The following CAST variants were observed in gnomAD, a reference collection of about 807,000 sequenced individuals.
CAST encodes the protein MIR583 host.
In CAST, 76 loss-of-function variants were observed where a neutral mutation model predicts 119.6. The ratio of observed to expected loss-of-function variants is 0.64; its 90% CI spans 0.53 to 0.77. The LOEUF is 0.77. Among genes scored for constraint, CAST ranks in the 30% least tolerant of loss-of-function variants. The pLI is 0.00. For missense variants in CAST, 953 were observed against 946.5 expected (o/e 1.01, Z -0.09); for synonymous variants, 319 against 331.6 (o/e 0.96, Z 0.41).
chr5:96,313,414 TATAAATTGA>T, the CAST span, among the ~76,000 whole-genome samples: 1 of 152,298 alleles, frequency 6.6e-6, no homozygotes, highest in African/African-American at 2.4e-5. Flanking sequence ...CCAAATATCA[TATAAATTGA>T]ATCATTCAAT....
At chr5:96,180,427 T>C in the CAST span, among the ~76,000 whole-genome samples, 9 of 152,234 alleles carry the variant, frequency 5.9e-5, no homozygotes, top group Non-Finnish European at 1.2e-4. Context: ...TGGGACCATA[T>C]GTAGAGCCTC....
chr5:96,300,382 T>C, the CAST span, among the ~76,000 whole-genome samples: 1 of 152,198 alleles, frequency 6.6e-6, no homozygotes, highest in African/African-American at 2.4e-5. Context: ...AATATCCTTA[T>C]CACCTTCGTT....
chr5:96,164,725 A>G, the CAST span, among the ~76,000 whole-genome samples: 1 of 152,240 alleles, frequency 6.6e-6, no homozygotes, highest in Admixed American at 6.5e-5. Flanking sequence ...GAAAAAGTGC[A>G]GAGAAAAAAA....
intron 1 of CAST, chr5:96,630,944 T>A (rs935047102): frequency 6.3e-5 from 5 of 79,668 alleles, no homozygotes; most frequent in African/African-American, 1.5e-4. Context: ...CTAAAAAAAA[T>A]TTTTTTAAAT....
At chr5:96,416,919 C>T in the CAST span, among the ~76,000 whole-genome samples, 1,095 of 152,302 alleles carry the variant, frequency 7.2e-3, 25 homozygotes, top group African/African-American at 0.025. Flanking sequence ...ATTGTCTTTT[C>T]CCACCACCAT....
the CAST span, among the ~76,000 whole-genome samples, chr5:96,395,868 A>G: frequency 6.6e-6 from 1 of 152,228 alleles, no homozygotes; most frequent in African/African-American, 2.4e-5. Flanking sequence ...TTCAGTTACA[A>G]AAAGTTGCAT....
chr5:95,984,974 C>A, the CAST span, among the ~76,000 whole-genome samples: 1 of 135,214 alleles, frequency 7.4e-6, no homozygotes, highest in Non-Finnish European at 1.5e-5. Context: ...AGATAAAGAG[C>A]ATTATTAAAG....
At position 96,774,362 on chromosome 5, in the gene CAST, A is replaced by G. The variant is rs896963517; in HGVS notation, c.*1746A>G. Reference sequence around the variant, plus strand: ...AACTCTGAATATGCCTTCTTTTTTAATTAGAAATATCTTCGAGACTTGGGT... The same window carrying G: ...AACTCTGAATATGCCTTCTTTTTTAGTTAGAAATATCTTCGAGACTTGGGT... On this transcript the variant is annotated 3_prime_UTR_variant, in exon 32 of 32. Transcript: ENST00000675179. 3.4e-6 allele frequency: 1 copy of G among 294,804 alleles called. No individual in the cohort carries two copies. The highest frequency in any genetic ancestry group is 2.3e-5 in the African/African-American group (1 of 44,154). 18.3% of individuals were successfully genotyped at this position (294,804 alleles called of 1,614,324 possible). A position where few individuals can be genotyped will look rare whatever the true frequency, so the allele number is the denominator to read the frequency against.
chr5:96,766,011 G>A, intron 26 of CAST, 42 bp from the exon 27 acceptor site: 1 of 1,101,404 alleles, frequency 9.1e-7, no homozygotes, highest in Non-Finnish European at 1.4e-6. Context: ...CTAAGTGAAA[G>A]AGGAAATGAA....
intron 9 of CAST, 151 bp from the exon 10 acceptor site, chr5:96,736,021 A>T: frequency 3.4e-6 from 2 of 580,736 alleles, no homozygotes; most frequent in East Asian, 5.9e-5. Context: ...CTGAAAAAGG[A>T]TATAAAACAC....
At chr5:96,313,416 T>C in the CAST span, among the ~76,000 whole-genome samples, 3,092 of 152,266 alleles carry the variant, frequency 0.02, 102 homozygotes, top group African/African-American at 0.071. Context: ...AAATATCATA[T>C]AAATTGAATC....
At chr5:96,150,155 T>C in the CAST span, among the ~76,000 whole-genome samples, 10 of 152,216 alleles carry the variant, frequency 6.6e-5, no homozygotes, top group Admixed American at 2.6e-4. Context: ...CACAAACAAG[T>C]GTAACAGGAT....
the CAST span, among the ~76,000 whole-genome samples, chr5:96,275,829 G>T: frequency 6.6e-6 from 1 of 152,196 alleles, no homozygotes; most frequent in East Asian, 1.9e-4. Context: ...AGTGGAGAGA[G>T]GATAGAGCCT....
chr5:96,223,429 T>A, the CAST span, among the ~76,000 whole-genome samples: 1 of 151,780 alleles, frequency 6.6e-6, no homozygotes, highest in Non-Finnish European at 1.5e-5. Flanking sequence ...AAGAAAAAAA[T>A]TAGGTTATAG....
chr5:96,117,889 C>G, the CAST span, among the ~76,000 whole-genome samples: 1,123 of 152,234 alleles, frequency 7.4e-3, 15 homozygotes, highest in African/African-American at 0.026. Flanking sequence ...TGCCTTTTGC[C>G]CGTTACCACT....
At chr5:96,054,662 T>C in the CAST span, among the ~76,000 whole-genome samples, 84 of 152,300 alleles carry the variant, frequency 5.5e-4, no homozygotes, top group African/African-American at 1.9e-3. Context: ...CCAGTTAAAA[T>C]GAGGAACATA....
chr5:96,241,247 G>C, the CAST span, among the ~76,000 whole-genome samples: 1 of 128,268 alleles, frequency 7.8e-6, no homozygotes, highest in Non-Finnish European at 1.5e-5. Flanking sequence ...AGAGTGTGAT[G>C]TTCCCCTTCC....
chr5:96,005,951 AAAT>A, the CAST span, among the ~76,000 whole-genome samples: 1 of 152,220 alleles, frequency 6.6e-6, no homozygotes, highest in Admixed American at 6.5e-5. Context: ...ACAAAATTAA[AAAT>A]AAGGTATTGT....
At chr5:96,013,201 T>A in the CAST span, among the ~76,000 whole-genome samples, 2 of 151,632 alleles carry the variant, frequency 1.3e-5, no homozygotes, top group Non-Finnish European at 2.9e-5. Flanking sequence ...ATGCTTTTTT[T>A]TTTTTGCTCC....
Sources: allele counts gnomAD v4.1 joint callset (sites outside exome capture counted in the v4.1 genomes callset), GRCh38; gene constraint gnomAD v4.1.1; transcripts MANE v1.5; gene names NCBI Gene and HGNC (gene_info 2026-07-23, HGNC 2026-07-21).